The following GNAI1 variants were observed in gnomAD, a reference collection of about 807,000 sequenced individuals.
The protein encoded by GNAI1 is G protein subunit alpha i1.
Under a neutral mutation model 38.9 loss-of-function variants are expected in GNAI1, and 11 were observed. The observed-to-expected ratio is 0.28, with a 90% CI of 0.18 to 0.47. The LOEUF (loss-of-function observed/expected upper bound fraction) is 0.47. Ranked by LOEUF, GNAI1 falls within the 20% of genes least tolerant of loss-of-function variation. The pLI is 0.99. For missense variants in GNAI1, 317 were observed against 436.9 expected, an observed-to-expected ratio of 0.73 and a Z score of 2.45; for synonymous variants, 166 against 145.1, an observed-to-expected ratio of 1.14 and a Z score of -1.04.
At chr7:80,195,309 T>C (rs1788549005) in intron 3 of GNAI1, among the ~76,000 whole-genome samples, 1 of 152,022 alleles carries the variant, frequency 6.6e-6, no homozygotes, top group Non-Finnish European at 1.5e-5. Context: ...ATCTCTGCAA[T>C]TTAGTTAAAA....
chr7:80,137,655 T>A (rs1456739420), intron 1 of GNAI1, among the ~76,000 whole-genome samples: 1 of 152,204 alleles, frequency 6.6e-6, no homozygotes, highest in Non-Finnish European at 1.5e-5. Context: ...ACTGGTACCA[T>A]TGGAAATATT....
chr7:80,135,305 G>C (rs1787389880), intron 1 of GNAI1, 27 bp downstream of exon 1: 1 of 1,282,974 alleles, frequency 7.8e-7, no homozygotes. Flanking sequence ...CGGGGCCCGG[G>C]GGTCGGCGGG....
chr7:80,135,698 G>A (rs1343943145), intron 1 of GNAI1: 2 of 450,184 alleles, frequency 4.4e-6, no homozygotes, highest in Non-Finnish European at 5.6e-6. Flanking sequence ...TTCTTCGTGT[G>A]CGGTGTAGGT....
At chr7:80,153,732 A>C (rs1415129744) in intron 1 of GNAI1, among the ~76,000 whole-genome samples, 1 of 151,398 alleles carries the variant, frequency 6.6e-6, no homozygotes, top group Non-Finnish European at 1.5e-5. Flanking sequence ...AAATAAATTT[A>C]GGTAACACAA....
At chr7:80,206,552 G>A (rs1788780466) in intron 5 of GNAI1, among the ~76,000 whole-genome samples, 1 of 151,814 alleles carries the variant, frequency 6.6e-6, no homozygotes, top group Non-Finnish European at 1.5e-5. Flanking sequence ...TTAATGACAA[G>A]GAAGTTCACT....
chr7:80,142,803 T>A (rs1787549149), intron 1 of GNAI1, among the ~76,000 whole-genome samples: 1 of 152,020 alleles, frequency 6.6e-6, no homozygotes, highest in Non-Finnish European at 1.5e-5. Flanking sequence ...AGTAAACTAA[T>A]TTTGGGGACC....
intron 1 of GNAI1, among the ~76,000 whole-genome samples, chr7:80,141,621 C>T (rs1244999099): frequency 2.6e-5 from 4 of 152,186 alleles, no homozygotes; most frequent in African/African-American, 7.2e-5. Context: ...GGTGTAGCAC[C>T]TGTATGCTGC....
In GNAI1 at chr7:80,161,040, A is replaced by G. The variant is rs115188208; in HGVS notation, c.118+25762A>G. ...CTTTTAAAATATAGTACTCTTTTGA[A>G]TCTTTGATACACTAAGTGAATTGTG... On this transcript the variant is annotated intron_variant, in intron 1 of 7. Transcript: ENST00000649796. Among the ~76,000 whole-genome samples the G allele has an allele frequency of 2.5e-3, 380 of 152,268 alleles. 4 individuals are homozygous for G. The highest frequency in any genetic ancestry group is 8.9e-3 in the African/African-American group (371 of 41,564).
chr7:80,143,478 G>T (rs1394519991), intron 1 of GNAI1, among the ~76,000 whole-genome samples: 1 of 152,088 alleles, frequency 6.6e-6, no homozygotes, highest in African/African-American at 2.4e-5. Flanking sequence ...AACTTATAAT[G>T]TAGAAGAGAC....
intron 5 of GNAI1, among the ~76,000 whole-genome samples, chr7:80,207,537 A>T: frequency 6.6e-6 from 1 of 152,080 alleles, no homozygotes; most frequent in East Asian, 1.9e-4. Context: ...ACCTCAGATA[A>T]ACTTTGTCTT....
intron 1 of GNAI1, among the ~76,000 whole-genome samples, chr7:80,188,439 G>A (rs1360144879): frequency 2.0e-5 from 3 of 152,082 alleles, no homozygotes; most frequent in Admixed American, 6.5e-5. Context: ...TTTTTTATTT[G>A]AGTTGATTGA....
intron 1 of GNAI1, among the ~76,000 whole-genome samples, chr7:80,166,852 C>T (rs1253570035): frequency 6.6e-6 from 1 of 152,182 alleles, no homozygotes; most frequent in Non-Finnish European, 1.5e-5. Flanking sequence ...GCTTCCCAAG[C>T]AGGTTCCAGG....
At chr7:80,163,030 A>G (rs77721114) in intron 1 of GNAI1, among the ~76,000 whole-genome samples, 1,851 of 152,312 alleles carry the variant, frequency 0.012, 40 homozygotes, top group African/African-American at 0.041. Flanking sequence ...TACTGATGAT[A>G]GATTCAAGGA....
chr7:80,163,966 CTTTT>C (rs1313381597), intron 1 of GNAI1, among the ~76,000 whole-genome samples: 4 of 75,018 alleles, frequency 5.3e-5, no homozygotes, highest in Non-Finnish European at 2.7e-5. Flanking sequence ...CTGGTGCTTT[CTTTT>C]TTTTTTTTTT....
intron 1 of GNAI1, among the ~76,000 whole-genome samples, chr7:80,166,523 ATAGT>A (rs1257026238): frequency 3.3e-5 from 5 of 152,158 alleles, no homozygotes; most frequent in Admixed American, 6.5e-5. Context: ...TGTTTAGAAG[ATAGT>A]TGGAGGAACT....
chr7:80,209,039 C>T (rs1042303017), intron 5 of GNAI1, among the ~76,000 whole-genome samples: 1 of 152,174 alleles, frequency 6.6e-6, no homozygotes, highest in Admixed American at 6.5e-5. Context: ...AGCTTTATTT[C>T]CATCTCAGCT....
At chr7:80,174,395 C>T (rs1306711078) in intron 1 of GNAI1, among the ~76,000 whole-genome samples, 1 of 149,304 alleles carries the variant, frequency 6.7e-6, no homozygotes. Flanking sequence ...GTATATATAG[C>T]TCTAAAATAC....
chr7:80,143,925 C>CGTGTGT (rs370293886), intron 1 of GNAI1, among the ~76,000 whole-genome samples: 5 of 126,760 alleles, frequency 3.9e-5, no homozygotes, highest in Non-Finnish European at 6.9e-5. Flanking sequence ...TGTGTGTGCG[C>CGTGTGT]GCGTGTGTGT....
rs73378637 is a variant in GNAI1, at chr7:80,148,457, G to C, written c.118+13179G>C. 7.0e-3 allele frequency among the ~76,000 whole-genome samples: 1,057 copies of C among 152,050 alleles called. 5 individuals carry two copies. Among genetic ancestry groups the C allele is most frequent in the African/African-American group, 0.024 (1,010 of 41,464 alleles). ...CTTAGGCTTTGTAATTCATAGACTTGTGTAGATTTTGCATTGTATTTGGGT... is the reference window on the plus strand; with the variant it reads ...CTTAGGCTTTGTAATTCATAGACTTCTGTAGATTTTGCATTGTATTTGGGT... On this transcript the variant is annotated intron_variant, in intron 1 of 7. Transcript: ENST00000649796.
Sources: gnomAD v4.1 joint callset for allele counts (sites outside exome capture counted in the v4.1 genomes callset) on GRCh38, gnomAD v4.1.1 for gene constraint, MANE v1.5 for transcripts, NCBI Gene and HGNC (gene_info 2026-07-23, HGNC 2026-07-21) for gene names.